Variants in OLAH observed in about 807,000 individuals in gnomAD.
The protein encoded by OLAH is S-acyl fatty acid synthase thioesterase, medium chain.
Under a neutral mutation model 27.8 loss-of-function variants are expected in OLAH, and 33 were observed. That is an observed-to-expected ratio of 1.19 (90% CI 0.90 to 1.59). OLAH has a LOEUF of 1.59. Among genes scored for constraint, OLAH ranks in the 40% most tolerant of loss-of-function variants. OLAH has a pLI of 0.00. For missense variants in OLAH, 359 were observed against 310.8 expected, an observed-to-expected ratio of 1.16 and a Z score of -1.17; for synonymous variants, 120 against 102.9, an observed-to-expected ratio of 1.17 and a Z score of -1.01.
rs1316657727 is a variant in OLAH at position 15,049,696 on chromosome 10, T to C, written c.94T>C (p.Phe32Leu). 1.2e-6 allele frequency: 2 copies of C among 1,610,386 alleles called. No individual in the cohort carries two copies. The highest frequency in any genetic ancestry group is 2.2e-5 in the East Asian group (1 of 44,814). Residue 32 changes from phenylalanine to leucine, a missense_variant, in exon 3 of 8, where the codon TTT becomes CTT. Physicochemically the swap from Phe to Leu is conservative, Grantham distance 22. Coordinates refer to ENST00000378228, the MANE Select transcript of OLAH (RefSeq NM_001039702.3). ...TGAGGCAACTTTTAAGCTGATTTGCTTTCCCTGGATGGGAGGTGGCTCCAC... is the reference window on the plus strand; with the variant it reads ...TGAGGCAACTTTTAAGCTGATTTGCCTTCCCTGGATGGGAGGTGGCTCCAC... ...NPEATFKLIC[F>L]PWMGGGSTHF...
chr10:15,070,772 C>T (rs1223599507), intron 6 of OLAH, among the ~76,000 whole-genome samples: 5 of 148,776 alleles, frequency 3.4e-5, no homozygotes, highest in South Asian at 2.1e-4. Flanking sequence ...TAAGCCACCA[C>T]GCCTGAACTT....
chr10:15,050,404 C>T (rs1844112293), intron 3 of OLAH, among the ~76,000 whole-genome samples: 1 of 152,024 alleles, frequency 6.6e-6, no homozygotes, highest in South Asian at 2.1e-4. Context: ...AGTAGCTGCA[C>T]TTACAGGCAT....
intron 3 of OLAH, among the ~76,000 whole-genome samples, chr10:15,059,847 T>C (rs1437578903): frequency 6.6e-6 from 1 of 152,142 alleles, no homozygotes; most frequent in Non-Finnish European, 1.5e-5. Context: ...TGCCATTACC[T>C]TTGTATCTAT....
rs142296313 is a variant in OLAH, at chr10:15,063,137, T to A, written c.303-1266T>A. Among the ~76,000 whole-genome samples the A allele has an allele frequency of 4.7e-3, 720 of 152,280 alleles. 4 individuals are homozygous for A. The highest frequency in any genetic ancestry group is 0.017 in the African/African-American group (696 of 41,548). ...TTAAACAATATGCACATTGTTAAAG[T>A]TCTTTTCAAGACAGGGTCTTGCTCT... On this transcript the variant is annotated intron_variant, in intron 4 of 7. Coordinates refer to ENST00000378228, the MANE Select transcript of OLAH (RefSeq NM_001039702.3).
chr10:15,068,782 C>T (rs1437021294), intron 6 of OLAH, among the ~76,000 whole-genome samples: 1 of 152,202 alleles, frequency 6.6e-6, no homozygotes, highest in Non-Finnish European at 1.5e-5. Flanking sequence ...TTGAACACGT[C>T]TCTGCTTTTT....
At chr10:15,070,926 C>A (rs113240764) in intron 6 of OLAH, among the ~76,000 whole-genome samples, 16,315 of 151,736 alleles carry the variant, frequency 0.11, 1,302 homozygotes, top group East Asian at 0.32. Context: ...GCTGGAACTA[C>A]AAGTACATGA....
chr10:15,033,595 T>C (rs1393400532), intron 1 of OLAH, among the ~76,000 whole-genome samples: 1 of 152,072 alleles, frequency 6.6e-6, no homozygotes, highest in African/African-American at 2.4e-5. Flanking sequence ...GACCGGGTAA[T>C]TTATAACGAA....
At chr10:15,041,930 G>A (rs765563063), upstream of OLAH, among the ~76,000 whole-genome samples, 2 of 151,794 alleles carry the variant, frequency 1.3e-5, no homozygotes, top group Middle Eastern at 3.2e-3. Flanking sequence ...GCCCAGTTAC[G>A]TCTTTGTCCT....
intron 3 of OLAH, among the ~76,000 whole-genome samples, chr10:15,058,724 G>T (rs1354960487): frequency 6.6e-6 from 1 of 152,006 alleles, no homozygotes; most frequent in African/African-American, 2.4e-5. Flanking sequence ...TTTTTATTCT[G>T]CCTGAAGAAG....
rs991838973 is a variant in OLAH, at chr10:15,065,495, T to C, written c.403-89T>C. The C allele has an allele frequency of 4.3e-5, 60 of 1,389,166 alleles. No homozygotes were observed. In the Middle Eastern group the frequency reaches 1.0e-3, roughly 24 times the overall value. 86.1% of individuals were successfully genotyped at this position (1,389,166 alleles called of 1,614,324 possible). ...AGTCTACTTCCCAGCCTTGGTTTAA[T>C]GACTTTTCCCTTAGATCAACAGTTT... On this transcript the variant is annotated intron_variant, in intron 5 of 7. Transcript: ENST00000378228.
At chr10:15,073,019 T>G in intron 7 of OLAH, 68 bp from the exon 8 acceptor site, 5 of 1,456,308 alleles carry the variant, frequency 3.4e-6, no homozygotes, top group Non-Finnish European at 4.8e-6. Flanking sequence ...CTTAAAGAAA[T>G]GATGTCTTGA....
chr10:15,053,277 T>C (rs1844181052), intron 3 of OLAH, among the ~76,000 whole-genome samples: 1 of 152,072 alleles, frequency 6.6e-6, no homozygotes, highest in African/African-American at 2.4e-5. Flanking sequence ...TAATAATTAG[T>C]CACCGCCGGT....
upstream of OLAH, among the ~76,000 whole-genome samples, chr10:15,042,700 T>C (rs1358100706): frequency 2.0e-5 from 3 of 152,140 alleles, no homozygotes; most frequent in Admixed American, 1.3e-4. Flanking sequence ...ACTGGTTTCA[T>C]GGTCAAAGTG....
chr10:15,058,253 A>AT (rs1005549334), intron 3 of OLAH, among the ~76,000 whole-genome samples: 7 of 148,562 alleles, frequency 4.7e-5, no homozygotes, highest in Admixed American at 2.0e-4. Flanking sequence ...TGCTTGGTTA[A>AT]TTTTTTTTTT....
Position 15,073,259 on chromosome 10 carries a change from A to G in OLAH, c.*30A>G, listed in dbSNP as rs749568990. The G allele has an allele frequency of 7.1e-7, 1 of 1,409,332 alleles. No individual in the cohort carries two copies. The highest frequency in any genetic ancestry group is 1.2e-5 in the South Asian group (1 of 83,094). 87.3% of individuals were successfully genotyped at this position (1,409,332 alleles called of 1,614,324 possible). On this transcript the variant is annotated 3_prime_UTR_variant, in exon 8 of 8. Coordinates refer to ENST00000378228, the MANE Select transcript of OLAH (RefSeq NM_001039702.3). ...TTTCCCTTTCACTTTTAAAATAATC[A>G]AAGTAATATCATACTCTTCTCAGTT... is the stretch of plus-strand genomic sequence containing the variant.
At chr10:15,053,735 C>T (rs2131354059) in intron 3 of OLAH, among the ~76,000 whole-genome samples, 1 of 151,304 alleles carries the variant, frequency 6.6e-6, no homozygotes, top group African/African-American at 2.4e-5. Context: ...TTTCCCTTGA[C>T]ACAGGGTCTT....
chr10:15,038,553 A>T (rs1426303166), intron 1 of OLAH: 2 of 152,062 alleles, frequency 1.3e-5, no homozygotes, highest in East Asian at 3.9e-4. Flanking sequence ...GTCTCATGAG[A>T]TCTGACAGTT....
rs1292648757 is a variant in OLAH at position 15,071,847 on chromosome 10, G to A, written c.625G>A (p.Gly209Arg). Residue 209 changes from glycine (G) to arginine (R), a missense_variant, in exon 7 of 8, where the codon GGA becomes AGA. Physicochemically the swap from Gly to Arg is moderately radical, Grantham distance 125 (BLOSUM62 -2). Transcript: ENST00000378228. ...VLSCDLTCFV[G>R]SEDIAKDMEA... ...TTCCTGTGACTTGACATGTTTTGTT[G>A]GATCTGAAGACATAGCAAAGGACAT... 6.2e-7 allele frequency: 1 copy of A among 1,613,142 alleles called. No homozygotes were observed. The highest frequency in any genetic ancestry group is 8.5e-7 in the Non-Finnish European group (1 of 1,179,160).
intron 3 of OLAH, among the ~76,000 whole-genome samples, chr10:15,052,768 ACCCAGGC>A (rs67524559): frequency 0.47 from 60,748 of 130,322 alleles, 13,704 homozygotes; most frequent in East Asian, 0.75. Context: ...TCACTCTGTC[ACCCAGGC>A]CCCAGGCCCC....
Sources: allele counts gnomAD v4.1 joint callset (sites outside exome capture counted in the v4.1 genomes callset), GRCh38; gene constraint gnomAD v4.1.1; transcripts MANE v1.5; gene names NCBI Gene and HGNC (gene_info 2026-07-23, HGNC 2026-07-21).